NRXN3: variants seen among roughly 807,000 people sequenced by gnomAD.
NRXN3 encodes neurexin III.
In NRXN3, 32 loss-of-function variants were observed where a neutral mutation model predicts 137.6. The ratio of observed to expected loss-of-function variants is 0.23; its 90% confidence interval spans 0.18 to 0.31. The LOEUF is 0.31. NRXN3 is among the 10% of genes least tolerant of loss of function. NRXN3 has a pLI of 1.00. For missense variants in NRXN3, 1,574 were observed against 2,062.5 expected, an observed-to-expected ratio of 0.76 and a Z score of 4.59; for synonymous variants, 798 against 784.5, an observed-to-expected ratio of 1.02 and a Z score of -0.29.
At chr14:79,205,958 G>A (rs974261797) in intron 15 of NRXN3, among the ~76,000 whole-genome samples, 1 of 152,034 alleles carries the variant, frequency 6.6e-6, no homozygotes, top group Non-Finnish European at 1.5e-5. Flanking sequence ...TCTCTGATAA[G>A]GCTCTTGGAA....
chr14:79,595,459 AT>A (rs2097850507), intron 16 of NRXN3, among the ~76,000 whole-genome samples: 1 of 152,218 alleles, frequency 6.6e-6, no homozygotes, highest in Admixed American at 6.5e-5. Context: ...TAGCTATTAC[AT>A]AATTAAAATA....
At chr14:79,229,994 A>G (rs1383405948) in intron 15 of NRXN3, among the ~76,000 whole-genome samples, 1 of 152,142 alleles carries the variant, frequency 6.6e-6, no homozygotes, top group African/African-American at 2.4e-5. Context: ...GTAGAGAATG[A>G]TCCTGTTAGG....
chr14:78,403,768 G>A, intron 4 of NRXN3: 6 of 985,512 alleles, frequency 6.1e-6, no homozygotes, highest in Non-Finnish European at 6.0e-6. Flanking sequence ...GAGGGCTTGA[G>A]GAATGTGGTG....
chr14:78,344,345 T>C (rs767032564), intron 4 of NRXN3, among the ~76,000 whole-genome samples: 2 of 152,198 alleles, frequency 1.3e-5, no homozygotes, highest in Non-Finnish European at 1.5e-5. Flanking sequence ...GGCCCACAAA[T>C]AAAGCAGTCA....
intron 16 of NRXN3, among the ~76,000 whole-genome samples, chr14:79,541,668 A>G (rs899092395): frequency 5.3e-5 from 8 of 152,206 alleles, no homozygotes; most frequent in Non-Finnish European, 4.4e-5. Flanking sequence ...CAAGAGACAC[A>G]AGAAAACCTT....
chr14:78,962,433 G>A (rs31424), intron 11 of NRXN3, among the ~76,000 whole-genome samples: 6 of 151,930 alleles, frequency 3.9e-5, no homozygotes, highest in African/African-American at 9.7e-5. Flanking sequence ...TGAAAGAAGC[G>A]GCTGTGAGGT....
At chr14:79,121,685 A>G (rs1210372022) in intron 15 of NRXN3, among the ~76,000 whole-genome samples, 1 of 152,212 alleles carries the variant, frequency 6.6e-6, no homozygotes, top group Non-Finnish European at 1.5e-5. Flanking sequence ...GACAGACTTC[A>G]CAAGAACTCA....
chr14:79,860,859 G>C (rs2099412674), intron 20 of NRXN3, among the ~76,000 whole-genome samples: 1 of 152,132 alleles, frequency 6.6e-6, no homozygotes, highest in African/African-American at 2.4e-5. Context: ...AGGGATTTCA[G>C]GTTTGGGTGG....
At chr14:79,624,800 TTTGTTTGTTTTTG>T (rs2098265014) in intron 16 of NRXN3, among the ~76,000 whole-genome samples, 1 of 132,762 alleles carries the variant, frequency 7.5e-6, no homozygotes, top group African/African-American at 3.5e-5. Flanking sequence ...CGTTTTTTTT[TTTGTTTGTTTTTG>T]TTTTTTTTTA....
chr14:79,059,933 G>C (rs2099672129), intron 15 of NRXN3, among the ~76,000 whole-genome samples: 1 of 152,190 alleles, frequency 6.6e-6, no homozygotes, highest in Non-Finnish European at 1.5e-5. Context: ...ACAAATACCA[G>C]GAAACTTATT....
At chr14:79,177,270 G>C (rs553326172) in intron 15 of NRXN3, among the ~76,000 whole-genome samples, 4 of 152,242 alleles carry the variant, frequency 2.6e-5, no homozygotes, top group Non-Finnish European at 5.9e-5. Context: ...ATATGCATGA[G>C]CTGTTGGGGG....
chr14:79,737,749 G>A (rs529958022), intron 19 of NRXN3, among the ~76,000 whole-genome samples: 3 of 151,168 alleles, frequency 2.0e-5, no homozygotes, highest in Non-Finnish European at 2.9e-5. Context: ...TTTTAAGTCA[G>A]GGTCTCCCTA....
At chr14:79,494,358 C>G (rs977047262) in intron 16 of NRXN3, among the ~76,000 whole-genome samples, 40 of 152,264 alleles carry the variant, frequency 2.6e-4, no homozygotes, top group African/African-American at 6.7e-4. Flanking sequence ...GTCAGTAACT[C>G]TGGGAAGACT....
chr14:78,185,169 A>C (rs542691820), intron 1 of NRXN3, among the ~76,000 whole-genome samples: 1 of 152,190 alleles, frequency 6.6e-6, no homozygotes, highest in African/African-American at 2.4e-5. Flanking sequence ...AATGGTTGAC[A>C]TTCTTTAGTG....
intron 19 of NRXN3, among the ~76,000 whole-genome samples, chr14:79,744,374 T>C (rs2098972477): frequency 6.6e-6 from 1 of 151,982 alleles, no homozygotes; most frequent in African/African-American, 2.4e-5. Flanking sequence ...CGCTTTAATG[T>C]GTCATTCTCT....
At chr14:79,332,433 C>T (rs2091831404) in intron 15 of NRXN3, among the ~76,000 whole-genome samples, 1 of 152,164 alleles carries the variant, frequency 6.6e-6, no homozygotes, top group South Asian at 2.1e-4. Context: ...CCTGCGCTGT[C>T]GAGCTTACGC....
At chr14:78,569,439 G>C (rs571646925) in intron 4 of NRXN3, among the ~76,000 whole-genome samples, 22 of 151,632 alleles carry the variant, frequency 1.5e-4, no homozygotes, top group South Asian at 1.2e-3. Flanking sequence ...CTAATTTTTT[G>C]TATTTTTAGT....
intron 15 of NRXN3, among the ~76,000 whole-genome samples, chr14:79,173,632 T>A (rs977047737): frequency 6.6e-6 from 1 of 151,872 alleles, no homozygotes; most frequent in Non-Finnish European, 1.5e-5. Context: ...TCCATGAGAA[T>A]TACAAGTAGT....
rs144881886 is a variant in NRXN3 at position 78,538,594 on chromosome 14, A to G, written c.758-106526A>G. On this transcript the variant is annotated intron_variant, in intron 4 of 20. Transcript: ENST00000335750. ...TTTGACTTCCTCATTGTGTAATTGA[A>G]TACAGTTTATTTCTTTCTCCTGCCT... 8.7e-4 allele frequency among the ~76,000 whole-genome samples: 132 copies of G among 152,324 alleles called. 1 individual carries two copies. The highest frequency in any genetic ancestry group is 2.9e-3 in the African/African-American group (120 of 41,562).
Sources: allele counts gnomAD v4.1 joint callset (sites outside exome capture counted in the v4.1 genomes callset), GRCh38; gene constraint gnomAD v4.1.1; transcripts MANE v1.5; gene names NCBI Gene and HGNC (gene_info 2026-07-23, HGNC 2026-07-21).